The following FSTL4 variants were observed in gnomAD, a reference collection of about 807,000 sequenced individuals.
FSTL4 encodes follistatin-related protein 4.
A neutral mutation model predicts 78.2 loss-of-function variants in FSTL4; 28 were observed. The observed-to-expected ratio is 0.36, with a 90% CI of 0.27 to 0.49. The LOEUF (loss-of-function observed/expected upper bound fraction) is 0.49. FSTL4 is among the 20% of genes least tolerant of loss of function. FSTL4 has a pLI of 0.98. For missense variants in FSTL4, 922 were observed against 1,084.9 expected, an observed-to-expected ratio of 0.85 and a Z score of 2.11; for synonymous variants, 422 against 440.5, an observed-to-expected ratio of 0.96 and a Z score of 0.53.
At chr5:133,205,033 A>AGTT (rs1325634856) in intron 14 of FSTL4, among the ~76,000 whole-genome samples, 1 of 152,040 alleles carries the variant, frequency 6.6e-6, no homozygotes, top group East Asian at 1.9e-4. Flanking sequence ...TAGACTTTCC[A>AGTT]GTTATGAGAA....
rs34271117 is a variant in FSTL4 at position 133,245,107 on chromosome 5, G to C, written c.894+4303C>G. 1.4e-4 allele frequency among the ~76,000 whole-genome samples: 20 copies of C among 140,098 alleles called. 1 individual carries two copies. 91.9% of individuals were successfully genotyped at this position (140,098 alleles called of 152,430 possible). ...TGTGCTCCAGTCTGGGTGACAGAGAGAGACCCTACTGCCTAAAAAAAAAAA... is the reference window on the plus strand; with the variant it reads ...TGTGCTCCAGTCTGGGTGACAGAGACAGACCCTACTGCCTAAAAAAAAAAA... On this transcript the variant is annotated intron_variant, in intron 7 of 15. Coordinates refer to ENST00000265342, the MANE Select transcript of FSTL4 (RefSeq NM_015082.2).
intron 3 of FSTL4, among the ~76,000 whole-genome samples, chr5:133,431,943 T>C (rs182085054): frequency 1.1e-4 from 17 of 152,270 alleles, no homozygotes; most frequent in African/African-American, 3.1e-4. Flanking sequence ...CCATTTTATA[T>C]AGAAGAACTC....
rs533450366 is a variant in FSTL4, at chr5:133,309,246, C to T, written c.727+3408G>A. 1.7e-4 allele frequency among the ~76,000 whole-genome samples: 25 copies of T among 149,932 alleles called. No individual in the cohort carries two copies. The South Asian group carries it at 3.5e-3, about 21-fold the overall frequency. On this transcript the variant is annotated intron_variant, in intron 6 of 15. Coordinates refer to ENST00000265342, the MANE Select transcript of FSTL4 (RefSeq NM_015082.2). ...TCCTTGTTGGGGTGGTGGGGGGTGG[C>T]GTGGGGAAGGAGAGGCAGAGGGCAC...
intron 2 of FSTL4, among the ~76,000 whole-genome samples, chr5:133,568,845 T>C (rs1760087520): frequency 6.6e-6 from 1 of 152,234 alleles, no homozygotes; most frequent in African/African-American, 2.4e-5. Flanking sequence ...ATTTTTGTTG[T>C]GGTTACATAA....
At chr5:133,394,476 C>T (rs571194264) in intron 4 of FSTL4, among the ~76,000 whole-genome samples, 1 of 152,370 alleles carries the variant, frequency 6.6e-6, no homozygotes, top group South Asian at 2.1e-4. Context: ...TGGCCCCGGA[C>T]AGCGAGGGGC....
intron 4 of FSTL4, among the ~76,000 whole-genome samples, chr5:133,318,335 G>C (rs1433521347): frequency 6.6e-6 from 1 of 152,082 alleles, no homozygotes; most frequent in East Asian, 1.9e-4. Context: ...TGAAAATAGT[G>C]GCTTTGTGCC....
At chr5:133,506,766 G>T (rs1271638476) in intron 3 of FSTL4, among the ~76,000 whole-genome samples, 5 of 152,196 alleles carry the variant, frequency 3.3e-5, no homozygotes, top group Admixed American at 3.3e-4. Flanking sequence ...GGCTCTCAGT[G>T]CTCAGATCAG....
At position 133,273,758 on chromosome 5, in the gene FSTL4, G is replaced by A. The variant is rs142201724; in HGVS notation, c.728-24182C>T. On this transcript the variant is annotated intron_variant, in intron 6 of 15. Transcript: ENST00000265342. ...CGTAGCTGAAGGGAAACCTACGTTTGCAGGCAGCGGAAGGAGTAACCCACT... is the reference window on the plus strand; with the variant it reads ...CGTAGCTGAAGGGAAACCTACGTTTACAGGCAGCGGAAGGAGTAACCCACT... 6.4e-4 allele frequency among the ~76,000 whole-genome samples: 97 copies of A among 152,272 alleles called. 3 individuals are homozygous for A. In the East Asian group the frequency reaches 0.019, roughly 29 times the overall value.
At chr5:133,585,113 A>T (rs1490446103) in intron 2 of FSTL4, among the ~76,000 whole-genome samples, 59 of 81,760 alleles carry the variant, frequency 7.2e-4, no homozygotes, top group African/African-American at 2.6e-3. Context: ...GCCTGCCCTA[A>T]AAGAGCTCCT....
At chr5:133,830,430 G>T in the FSTL4 span, among the ~76,000 whole-genome samples, 2 of 152,136 alleles carry the variant, frequency 1.3e-5, no homozygotes, top group Non-Finnish European at 2.9e-5. Flanking sequence ...GAAGTGGGGG[G>T]CCACCATTGC....
At chr5:133,506,006 G>A (rs1194433282) in intron 3 of FSTL4, among the ~76,000 whole-genome samples, 1 of 152,228 alleles carries the variant, frequency 6.6e-6, no homozygotes, top group Non-Finnish European at 1.5e-5. Context: ...GGGCAAGTAG[G>A]CTGCCTGCCA....
chr5:133,397,442 G>C (rs1326803983), intron 4 of FSTL4, among the ~76,000 whole-genome samples: 2 of 152,222 alleles, frequency 1.3e-5, no homozygotes, highest in Non-Finnish European at 2.9e-5. Flanking sequence ...CAATCCTTTT[G>C]AGTCTGGTTG....
rs181989706 is a variant in FSTL4, at chr5:133,361,623, T to C, written c.409+39115A>G. Among the ~76,000 whole-genome samples the C allele has an allele frequency of 1.3e-5, 2 of 152,228 alleles. No individual in the cohort carries two copies. The highest frequency in any genetic ancestry group is 1.3e-4 in the Admixed American group (2 of 15,288). ...TCCCTAAAAATTTTGAGACTGGGAATGTATAGCCATGAGGAAACCCAAAGG... is the reference window on the plus strand; with the variant it reads ...TCCCTAAAAATTTTGAGACTGGGAACGTATAGCCATGAGGAAACCCAAAGG... On this transcript the variant is annotated intron_variant, in intron 4 of 15. Transcript: ENST00000265342. This position sits in a 1 kb window ranked among gnomAD's most constrained non-coding sequence, Gnocchi z 4.3.
At chr5:133,791,364 C>T in the FSTL4 span, among the ~76,000 whole-genome samples, 1 of 152,136 alleles carries the variant, frequency 6.6e-6, no homozygotes, top group East Asian at 1.9e-4. Flanking sequence ...CTCTTCCTAA[C>T]ATACTATATA....
chr5:133,400,786 G>C lies in FSTL4; in HGVS notation c.361C>G (p.Leu121Val), dbSNP rs1400983750. 6 of 1,614,058 alleles carry C rather than the reference G, an allele frequency of 3.7e-6. No individual in the cohort carries two copies. The highest frequency in any genetic ancestry group is 5.1e-6 in the Non-Finnish European group (6 of 1,179,980). The change falls in exon 4 of 16, where the codon CTG (leucine) becomes GTG (valine). Residue 121 changes from leucine to valine, a missense_variant. Physicochemically the swap from Leu to Val is conservative, Grantham distance 32. Coordinates refer to ENST00000265342, the MANE Select transcript of FSTL4 (RefSeq NM_015082.2). ...TGGATGACGGTGATCCTCTTTCCCAGGAGGCAAGCAGCACGGTGGAGCTTA... is the reference window on the plus strand; with the variant it reads ...TGGATGACGGTGATCCTCTTTCCCACGAGGCAAGCAGCACGGTGGAGCTTA... ...HCKLHRAACL[L>V]GKRITVIHSK... is the part of the protein sequence containing the mutation.
At chr5:133,793,701 G>A in the FSTL4 span, among the ~76,000 whole-genome samples, 3 of 152,154 alleles carry the variant, frequency 2.0e-5, no homozygotes, top group Admixed American at 1.3e-4. Context: ...CCACTCCCGC[G>A]GTCTCACATC....
At chr5:133,536,620 A>G (rs1434274180) in intron 3 of FSTL4, among the ~76,000 whole-genome samples, 1 of 152,112 alleles carries the variant, frequency 6.6e-6, no homozygotes, top group Admixed American at 6.5e-5. Context: ...CATATAAAAT[A>G]ACAATACAGT....
the FSTL4 span, among the ~76,000 whole-genome samples, chr5:133,732,754 GA>G: frequency 7.4e-6 from 1 of 135,554 alleles, no homozygotes; most frequent in African/African-American, 3.8e-5. Flanking sequence ...AGTGAATTGA[GA>G]GCCCAGGCCT....
the FSTL4 span, among the ~76,000 whole-genome samples, chr5:133,730,127 C>T: frequency 3.9e-5 from 6 of 152,134 alleles, no homozygotes; most frequent in African/African-American, 1.4e-4. Flanking sequence ...CTGAAGCAGT[C>T]CTTTTTGGAC....
Sources: gnomAD v4.1 joint callset for allele counts (sites outside exome capture counted in the v4.1 genomes callset) on GRCh38, gnomAD v4.1.1 for gene constraint, Gnocchi (gnomAD v3.1) non-coding constraint, MANE v1.5 for transcripts, NCBI Gene and HGNC (gene_info 2026-07-23, HGNC 2026-07-21) for gene names.